The following PLPPR1 variants were observed in gnomAD, a reference collection of about 807,000 sequenced individuals.
PLPPR1 encodes phospholipid phosphatase-related protein type 1.
In PLPPR1, 10 loss-of-function variants were observed where a neutral mutation model predicts 33.1. The ratio of observed to expected loss-of-function variants is 0.30; its 90% confidence interval spans 0.19 to 0.51. The LOEUF is 0.51. Ranked by LOEUF, PLPPR1 falls within the 20% of genes least tolerant of loss-of-function variation. The pLI, the probability that PLPPR1 is intolerant of heterozygous loss-of-function variation, is 0.97. For missense variants in PLPPR1, 304 were observed against 408.1 expected (o/e 0.74, Z 2.20); for synonymous variants, 151 against 151.0 (o/e 1.00, Z 0.00).
chr9:101,051,476 A>G (rs561740956), intron 1 of PLPPR1, among the ~76,000 whole-genome samples: 1 of 152,202 alleles, frequency 6.6e-6, no homozygotes, highest in Non-Finnish European at 1.5e-5. Context: ...GTTGCATCAG[A>G]TTTGTAGCCT....
chr9:101,136,056 A>T (rs1287464601), intron 1 of PLPPR1, among the ~76,000 whole-genome samples: 1 of 152,210 alleles, frequency 6.6e-6, no homozygotes, highest in Admixed American at 6.5e-5. Context: ...TTTCCCCCTC[A>T]TCAGCTTTAA....
At chr9:101,129,840 A>T (rs999915334) in intron 1 of PLPPR1, among the ~76,000 whole-genome samples, 29 of 152,340 alleles carry the variant, frequency 1.9e-4, no homozygotes, top group Admixed American at 1.9e-3. Flanking sequence ...AAACAATAAA[A>T]AAATAAATAA....
intron 2 of PLPPR1, among the ~76,000 whole-genome samples, chr9:101,222,618 A>G (rs17763929): frequency 0.023 from 3,512 of 152,290 alleles, 48 homozygotes; most frequent in Middle Eastern, 0.068. Context: ...CTCAGAAGGA[A>G]GTACATATCT....
At chr9:101,205,410 G>A (rs760959808) in intron 2 of PLPPR1, among the ~76,000 whole-genome samples, 48 of 152,128 alleles carry the variant, frequency 3.2e-4, no homozygotes, top group Non-Finnish European at 7.1e-4. Context: ...CCTAGAAGGG[G>A]CCTTGTCAAT....
chr9:101,038,022 A>G (rs1310532814), intron 1 of PLPPR1, among the ~76,000 whole-genome samples: 1 of 152,142 alleles, frequency 6.6e-6, no homozygotes, highest in Non-Finnish European at 1.5e-5. Context: ...TAGTGTAGAA[A>G]GTAAATATCA....
At chr9:101,293,987 A>C (rs1700003018) in intron 4 of PLPPR1, among the ~76,000 whole-genome samples, 1 of 152,266 alleles carries the variant, frequency 6.6e-6, no homozygotes, top group African/African-American at 2.4e-5. Context: ...GACACAAAAA[A>C]CCCTTCAAAA....
At chr9:101,045,519 G>A (rs1250225535) in intron 1 of PLPPR1, among the ~76,000 whole-genome samples, 1 of 152,196 alleles carries the variant, frequency 6.6e-6, no homozygotes, top group Non-Finnish European at 1.5e-5. Context: ...GCAATAGGTA[G>A]GGAGAGAATG....
intron 4 of PLPPR1, among the ~76,000 whole-genome samples, chr9:101,305,930 AC>A (rs1828852514): frequency 6.6e-6 from 1 of 151,770 alleles, no homozygotes; most frequent in Non-Finnish European, 1.5e-5. Context: ...TCCAGGTAAA[AC>A]CCTGAGAAAA....
intron 2 of PLPPR1, among the ~76,000 whole-genome samples, chr9:101,203,576 C>A (rs1233884508): frequency 1.3e-5 from 2 of 151,786 alleles, no homozygotes; most frequent in Non-Finnish European, 2.9e-5. Flanking sequence ...TGAAATAAGG[C>A]AATGGGACTT....
rs188910813 is a variant in PLPPR1, at chr9:101,039,745, T to A, written c.-46+10643T>A. ...GAGCTTATACAGGGAAACTCCTGTT[T>A]TTTTAAAACCATCAGATCTCGTGAG... On this transcript the variant is annotated intron_variant, in intron 1 of 7. Transcript: ENST00000374874. 2.5e-3 allele frequency among the ~76,000 whole-genome samples: 383 copies of A among 152,166 alleles called. 1 individual carries two copies. Among genetic ancestry groups the A allele is most frequent in the African/African-American group, 8.6e-3 (357 of 41,524 alleles).
At chr9:101,184,668 G>A (rs549044184) in intron 1 of PLPPR1, among the ~76,000 whole-genome samples, 11 of 152,008 alleles carry the variant, frequency 7.2e-5, no homozygotes, top group African/African-American at 2.4e-4. Context: ...TTACTTCATT[G>A]TATTAAGAAG....
chr9:101,149,628 A>G (rs771416634), intron 1 of PLPPR1, among the ~76,000 whole-genome samples: 4 of 152,172 alleles, frequency 2.6e-5, no homozygotes, highest in South Asian at 2.1e-4. Flanking sequence ...TGTATTCTAC[A>G]GTCTATTCTA....
chr9:101,178,713 T>G (rs1241757627), intron 1 of PLPPR1, among the ~76,000 whole-genome samples: 1 of 152,136 alleles, frequency 6.6e-6, no homozygotes, highest in African/African-American at 2.4e-5. Context: ...GTGACAATAC[T>G]TTGCAGGGCT....
chr9:101,066,423 CT>C (rs1830415539), intron 1 of PLPPR1, among the ~76,000 whole-genome samples: 1 of 151,886 alleles, frequency 6.6e-6, no homozygotes, highest in African/African-American at 2.4e-5. Context: ...GCACATCCCC[CT>C]CTTAAGGAAT....
chr9:101,091,293 C>A (rs1247177764), intron 1 of PLPPR1, among the ~76,000 whole-genome samples: 1 of 152,112 alleles, frequency 6.6e-6, no homozygotes, highest in Non-Finnish European at 1.5e-5. Flanking sequence ...GCTGCTCTAA[C>A]AAATTGTCGC....
intron 1 of PLPPR1, among the ~76,000 whole-genome samples, chr9:101,151,127 G>T (rs1430788966): frequency 4.6e-5 from 7 of 151,902 alleles, no homozygotes; most frequent in Non-Finnish European, 1.0e-4. Flanking sequence ...TGTTTTTAAA[G>T]GTCAAATCAG....
intron 2 of PLPPR1, among the ~76,000 whole-genome samples, chr9:101,215,489 C>T (rs1382679610): frequency 6.6e-6 from 1 of 152,152 alleles, no homozygotes; most frequent in Non-Finnish European, 1.5e-5. Context: ...CCATGTTGGT[C>T]AGGCTGGTCT....
chr9:101,312,873 A>G lies in PLPPR1; in HGVS notation c.712A>G (p.Thr238Ala). The change falls in exon 6 of 8, where the codon ACA becomes GCA. Residue 238 changes from threonine to alanine, a missense_variant. Physicochemically the swap from Thr to Ala is moderately conservative, Grantham distance 58. Coordinates refer to ENST00000374874, the MANE Select transcript of PLPPR1 (RefSeq NM_207299.2). ...GGTGCTGTGCCTCGGAACTCTCTGC[A>G]CAGCCTTCCTGACAGGCCTCAACCG... ...KPVLCLGTLC[T>A]AFLTGLNRVS... 1 of 1,614,192 alleles carries G rather than the reference A, an allele frequency of 6.2e-7. No individual in the cohort carries two copies. Among genetic ancestry groups the G allele is most frequent in the South Asian group, 1.1e-5 (1 of 91,086 alleles).
At chr9:101,168,527 A>C (rs762729736) in intron 1 of PLPPR1, among the ~76,000 whole-genome samples, 1 of 152,046 alleles carries the variant, frequency 6.6e-6, no homozygotes, top group Admixed American at 6.6e-5. Context: ...ATGAATTCTC[A>C]TTCTCTATGT....
Sources: allele counts gnomAD v4.1 joint callset (sites outside exome capture counted in the v4.1 genomes callset), GRCh38; gene constraint gnomAD v4.1.1; transcripts MANE v1.5; gene names NCBI Gene and HGNC (gene_info 2026-07-23, HGNC 2026-07-21).